OR56A3: variants seen among roughly 807,000 people sequenced by gnomAD.
The protein encoded by OR56A3 is olfactory receptor 56A3.
Under a neutral mutation model 17.5 loss-of-function variants are expected in OR56A3, and 23 were observed. The ratio of observed to expected loss-of-function variants is 1.32; its 90% CI spans 0.95 to 1.87. The LOEUF (loss-of-function observed/expected upper bound fraction) is 1.87. Among genes scored for constraint, OR56A3 ranks in the 40% most tolerant of loss-of-function variants. The pLI, the probability that OR56A3 is intolerant of heterozygous loss-of-function variation, is 0.00. For missense variants in OR56A3, 366 were observed against 380.1 expected, an observed-to-expected ratio of 0.96 and a Z score of 0.31; for synonymous variants, 175 against 150.6, an observed-to-expected ratio of 1.16 and a Z score of -1.19.
the OR56A3 span, chr11:5,986,906 A>T: frequency 6.2e-7 from 1 of 1,612,816 alleles, no homozygotes; most frequent in Non-Finnish European, 8.5e-7. Context: ...TTGGAGAGGA[A>T]AGAGAAAAAA....
the OR56A3 span, chr11:5,994,910 A>G: frequency 9.3e-6 from 7 of 756,404 alleles, no homozygotes; most frequent in Admixed American, 5.2e-5. Flanking sequence ...CAGGCTTTGC[A>G]TGGTCTCCTT....
At chr11:5,998,836 G>C in the OR56A3 span, among the ~76,000 whole-genome samples, 6 of 152,316 alleles carry the variant, frequency 3.9e-5, no homozygotes, top group Middle Eastern at 3.4e-3. Flanking sequence ...AATTTACCAA[G>C]ACAGCTGCTT....
chr11:5,959,769 T>G, the OR56A3 span, among the ~76,000 whole-genome samples: 1 of 152,212 alleles, frequency 6.6e-6, no homozygotes, highest in Non-Finnish European at 1.5e-5. Context: ...GATGTTTCTC[T>G]TATGTTTTCT....
At chr11:5,988,388 G>C in the OR56A3 span, among the ~76,000 whole-genome samples, 1 of 152,030 alleles carries the variant, frequency 6.6e-6, no homozygotes, top group Non-Finnish European at 1.5e-5. Flanking sequence ...AATGTAGTGA[G>C]ATAAATAAAA....
At chr11:5,966,722 G>A in the OR56A3 span, among the ~76,000 whole-genome samples, 1 of 152,144 alleles carries the variant, frequency 6.6e-6, no homozygotes, top group Non-Finnish European at 1.5e-5. Context: ...ATTGAGACAA[G>A]AGGACTGAAA....
chr11:6,010,599 C>A, the OR56A3 span, among the ~76,000 whole-genome samples: 5 of 152,282 alleles, frequency 3.3e-5, no homozygotes, highest in South Asian at 1.0e-3. Context: ...GTATCTTGAT[C>A]TTGGATTTCC....
At chr11:5,991,446 A>G in the OR56A3 span, among the ~76,000 whole-genome samples, 1 of 152,222 alleles carries the variant, frequency 6.6e-6, no homozygotes, top group African/African-American at 2.4e-5. Flanking sequence ...GACAGGTCAC[A>G]TTTCATAGAA....
the OR56A3 span, among the ~76,000 whole-genome samples, chr11:6,013,155 G>C: frequency 1.3e-5 from 2 of 152,268 alleles, no homozygotes; most frequent in Non-Finnish European, 2.9e-5. Context: ...CTGCAGCCAT[G>C]CCTGGGAGGG....
At chr11:6,014,989 CAA>C in the OR56A3 span, among the ~76,000 whole-genome samples, 51 of 35,188 alleles carry the variant, frequency 1.4e-3, no homozygotes, top group South Asian at 6.1e-3. Context: ...TATTCATGGG[CAA>C]AAAAAAAAAA....
At chr11:5,986,281 C>T in the OR56A3 span, 1 of 1,613,976 alleles carries the variant, frequency 6.2e-7, no homozygotes, top group Non-Finnish European at 8.5e-7. Context: ...CATAGTCAGC[C>T]CATAAGCTCG....
the OR56A3 span, among the ~76,000 whole-genome samples, chr11:6,009,598 T>C: frequency 7.9e-5 from 12 of 152,280 alleles, no homozygotes; most frequent in African/African-American, 2.4e-4. Context: ...TTCCACAGAC[T>C]TCTGATGTCT....
the OR56A3 span, among the ~76,000 whole-genome samples, chr11:5,983,876 C>CT: frequency 0.26 from 39,996 of 152,074 alleles, 5,578 homozygotes; most frequent in East Asian, 0.47. Flanking sequence ...TAAACACTCT[C>CT]TTTTTTTGTA....
chr11:5,962,149 T>G, the OR56A3 span, among the ~76,000 whole-genome samples: 44,083 of 152,088 alleles, frequency 0.29, 6,619 homozygotes, highest in East Asian at 0.47. Context: ...AATGATTCGA[T>G]GATTTTTGTT....
chr11:5,990,582 C>T, the OR56A3 span, among the ~76,000 whole-genome samples: 1 of 152,174 alleles, frequency 6.6e-6, no homozygotes, highest in South Asian at 2.1e-4. Context: ...CCTCAATCTC[C>T]TTCTTAACAG....
chr11:6,002,388 T>C, the OR56A3 span: 2 of 1,614,142 alleles, frequency 1.2e-6, no homozygotes, highest in Non-Finnish European at 1.7e-6. Flanking sequence ...TGCCACAAAC[T>C]GGTAGAGCTG....
the OR56A3 span, chr11:6,000,838 T>C: frequency 6.6e-6 from 1 of 152,178 alleles, no homozygotes. Context: ...ATATAGCAGG[T>C]CTGTAATAAA....
the OR56A3 span, among the ~76,000 whole-genome samples, chr11:6,014,103 A>T: frequency 6.6e-6 from 1 of 152,136 alleles, no homozygotes; most frequent in Non-Finnish European, 1.5e-5. Flanking sequence ...AGACAGGAAA[A>T]CACAGCCCAC....
At chr11:5,995,168 G>A in the OR56A3 span, among the ~76,000 whole-genome samples, 11 of 152,246 alleles carry the variant, frequency 7.2e-5, no homozygotes, top group African/African-American at 1.7e-4. Context: ...CTGCTGTGCA[G>A]GTAGGAGAGT....
chr11:5,994,744 G>A, the OR56A3 span: 2 of 790,516 alleles, frequency 2.5e-6, no homozygotes, highest in African/African-American at 3.4e-5. Flanking sequence ...TATTTGCGAA[G>A]ATCTGAGCCC....
Sources: allele counts gnomAD v4.1 joint callset (sites outside exome capture counted in the v4.1 genomes callset), GRCh38; gene constraint gnomAD v4.1.1; transcripts MANE v1.5; gene names NCBI Gene and HGNC (gene_info 2026-07-23, HGNC 2026-07-21).